Variants in TNFRSF10A observed in about 807,000 individuals in gnomAD.
TNFRSF10A encodes tumor necrosis factor receptor superfamily member 10A.
In TNFRSF10A, 44 loss-of-function variants were observed where a neutral mutation model predicts 42.8. That is an observed-to-expected ratio of 1.03 (90% CI 0.81 to 1.32). TNFRSF10A has a LOEUF of 1.32. Ranked by LOEUF, TNFRSF10A falls within the 40% of genes most tolerant of loss-of-function variation. The pLI is 0.00. For missense variants in TNFRSF10A, 680 were observed against 602.0 expected (o/e 1.13, Z -1.36); for synonymous variants, 259 against 234.2 (o/e 1.11, Z -0.97).
chr8:23,201,659 C>T (rs530879043), intron 4 of TNFRSF10A, 149 bp downstream of exon 4: 55 of 689,146 alleles, frequency 8.0e-5, no homozygotes, highest in East Asian at 1.7e-4. Flanking sequence ...GCTCAGGAGA[C>T]GCCACAGGCT....
At position 23,204,437 on chromosome 8, in the gene TNFRSF10A, A is replaced by G. The variant is rs1349276879; in HGVS notation, c.404-1676T>C. The stretch of plus-strand genomic sequence containing the variant: ...AACAAAGTAGGAGAAAATACTTGCA[A>G]TGAAAACCACACTGCAAAGCATAGT... On this transcript the variant is annotated intron_variant, in intron 2 of 9. Transcript: ENST00000221132. Among the ~76,000 whole-genome samples, 9 of 152,378 alleles carry G rather than the reference A, an allele frequency of 5.9e-5. No individual in the cohort carries two copies. In the South Asian group the frequency reaches 1.4e-3, roughly 25 times the overall value.
intron 2 of TNFRSF10A, among the ~76,000 whole-genome samples, chr8:23,203,550 A>C (rs1800965886): frequency 6.6e-6 from 1 of 152,208 alleles, no homozygotes; most frequent in South Asian, 2.1e-4. Context: ...CTTCACCTCC[A>C]GGGCTTCGCC....
intron 2 of TNFRSF10A, among the ~76,000 whole-genome samples, chr8:23,205,160 T>C (rs990777219): frequency 6.6e-6 from 1 of 152,108 alleles, no homozygotes; most frequent in African/African-American, 2.4e-5. Context: ...GATCGATATA[T>C]TGGCACAACT....
intron 1 of TNFRSF10A, among the ~76,000 whole-genome samples, chr8:23,215,131 C>G (rs1349838958): frequency 6.6e-6 from 1 of 152,162 alleles, no homozygotes; most frequent in Non-Finnish European, 1.5e-5. Context: ...GTAGCTTGCT[C>G]TCAGGTGGTT....
At chr8:23,224,437 G>A (rs1801303813) in intron 1 of TNFRSF10A, 2 of 385,920 alleles carry the variant, frequency 5.2e-6, no homozygotes, top group Admixed American at 9.0e-5. Context: ...ACACACTTGA[G>A]CTCTATCGAT....
intron 2 of TNFRSF10A, among the ~76,000 whole-genome samples, chr8:23,203,640 A>T (rs530076100): frequency 6.6e-6 from 1 of 152,390 alleles, no homozygotes; most frequent in Non-Finnish European, 1.5e-5. Flanking sequence ...TGATATTGAA[A>T]GATACTCTTA....
chr8:23,209,370 A>G (rs754193401), intron 2 of TNFRSF10A, among the ~76,000 whole-genome samples: 11 of 152,208 alleles, frequency 7.2e-5, no homozygotes, highest in Non-Finnish European at 1.6e-4. Flanking sequence ...GGAGCTGTGA[A>G]AAGAGGGCCA....
Position 23,192,012 on chromosome 8 carries a change from A to G in TNFRSF10A, c.1089T>C (p.Thr363=). 1 of 1,611,250 alleles carries G rather than the reference A, an allele frequency of 6.2e-7. No homozygotes were observed. Among genetic ancestry groups the G allele is most frequent in the Non-Finnish European group, 8.5e-7 (1 of 1,179,118 alleles). The change falls in exon 10 of 10, where the codon ACT becomes ACC. Residue 363 remains threonine, a splice_region_variant and synonymous_variant. Coordinates refer to ENST00000221132, the MANE Select transcript of TNFRSF10A (RefSeq NM_003844.4). ...VPANGADPTE[T]LMLFFDKFAN... is the part of the protein sequence containing the mutation. ...CAAACTTGTCAAAGAACAGCATCAGAGCTGGGTGGAGAAAGCCACAGAGAC... is the reference window on the plus strand; with the variant it reads ...CAAACTTGTCAAAGAACAGCATCAGGGCTGGGTGGAGAAAGCCACAGAGAC...
At chr8:23,205,325 A>G (rs1800988837) in intron 2 of TNFRSF10A, among the ~76,000 whole-genome samples, 1 of 152,234 alleles carries the variant, frequency 6.6e-6, no homozygotes, top group African/African-American at 2.4e-5. Context: ...TAGTAATGTC[A>G]TAAGTCAATG....
intron 1 of TNFRSF10A, among the ~76,000 whole-genome samples, chr8:23,217,410 T>A (rs1801199474): frequency 6.6e-6 from 1 of 152,046 alleles, no homozygotes; most frequent in East Asian, 1.9e-4. Context: ...AGAGATGGGG[T>A]TTCACCATGT....
At chr8:23,221,648 T>A (rs1181360589) in intron 1 of TNFRSF10A, among the ~76,000 whole-genome samples, 1 of 152,156 alleles carries the variant, frequency 6.6e-6, no homozygotes, top group Non-Finnish European at 1.5e-5. Context: ...CACAGTTTCC[T>A]AAGTGCAGAG....
intron 1 of TNFRSF10A, 169 bp downstream of exon 1, chr8:23,224,587 C>T (rs1801307387): frequency 4.4e-6 from 4 of 908,794 alleles, no homozygotes; most frequent in Non-Finnish European, 3.3e-6. Flanking sequence ...TCCTGCCTGG[C>T]CCCGGGGACC....
intron 9 of TNFRSF10A, among the ~76,000 whole-genome samples, chr8:23,194,607 T>C (rs573901058): frequency 6.6e-6 from 1 of 152,306 alleles, no homozygotes; most frequent in East Asian, 1.9e-4. Context: ...TTGGTGAAAA[T>C]ATCTATATAT....
Position 23,191,945 on chromosome 8 carries a change from G to A in TNFRSF10A, c.1156C>T (p.Gln386Ter). The A allele has an allele frequency of 6.2e-7, 1 of 1,614,212 alleles. No individual in the cohort carries two copies. The highest frequency in any genetic ancestry group is 8.5e-7 in the Non-Finnish European group (1 of 1,180,034). Residue 386 changes from glutamine (Q) to a stop codon, truncating the protein, a stop_gained, in exon 10 of 10, where the codon CAG becomes TAG. Transcript: ENST00000221132. LOFTEE classifies it low-confidence loss of function (END_TRUNC). ...ATCTCATTTTTCGTGAGGTCCAGCTGCCTCATGAGCTGGTCCCAGGAGTCA... is the reference window on the plus strand; with the variant it reads ...ATCTCATTTTTCGTGAGGTCCAGCTACCTCATGAGCTGGTCCCAGGAGTCA... ...PFDSWDQLMR[Q>*]LDLTKNEIDV...
At chr8:23,214,058 G>A (rs755195993) in intron 1 of TNFRSF10A, among the ~76,000 whole-genome samples, 1 of 151,158 alleles carries the variant, frequency 6.6e-6, no homozygotes, top group Non-Finnish European at 1.5e-5. Flanking sequence ...TTTGAGGGGG[G>A]TGGGGCCTCC....
In TNFRSF10A at chr8:23,211,262, A is replaced by G. The variant is rs368716985; in HGVS notation, c.403+854T>C. ...TCAATTATATTTGTATACACTCACA[A>G]TGAATCCTAAAATGAAATTAAGAAA... On this transcript the variant is annotated intron_variant, in intron 2 of 9. Transcript: ENST00000221132. 3.3e-5 allele frequency among the ~76,000 whole-genome samples: 5 copies of G among 152,232 alleles called. No homozygotes were observed. In the East Asian group the frequency reaches 9.6e-4, roughly 29 times the overall value.
chr8:23,214,906 A>G (rs984767283), intron 1 of TNFRSF10A, among the ~76,000 whole-genome samples: 1 of 152,238 alleles, frequency 6.6e-6, no homozygotes, highest in African/African-American at 2.4e-5. Flanking sequence ...TCAGAAAAAG[A>G]TGAAAGAGCA....
chr8:23,204,987 A>G (rs1800984976), intron 2 of TNFRSF10A, among the ~76,000 whole-genome samples: 1 of 152,094 alleles, frequency 6.6e-6, no homozygotes, highest in Non-Finnish European at 1.5e-5. Flanking sequence ...ATCTCAATCT[A>G]TAACCTAATA....
At chr8:23,212,061 T>C (rs13274366) in intron 2 of TNFRSF10A, 55 bp downstream of exon 2, 684,003 of 1,465,484 alleles carry the variant, frequency 0.47, 171,581 homozygotes, top group Non-Finnish European at 0.52. Context: ...TTGTATATAG[T>C]ATAGGGTAAG....
Sources: allele counts gnomAD v4.1 joint callset (sites outside exome capture counted in the v4.1 genomes callset), GRCh38; gene constraint gnomAD v4.1.1; transcripts MANE v1.5; gene names NCBI Gene and HGNC (gene_info 2026-07-23, HGNC 2026-07-21).